Variants in LRRC7 observed in about 807,000 individuals in gnomAD.
LRRC7 encodes leucine-rich repeat-containing protein 7.
Under a neutral mutation model 175.7 loss-of-function variants are expected in LRRC7, and 23 were observed. The observed-to-expected ratio is 0.13, with a 90% CI of 0.09 to 0.19. The LOEUF is 0.19. Ranked by LOEUF, LRRC7 falls within the 10% of genes least tolerant of loss-of-function variation. The pLI is 1.00. For missense variants in LRRC7, 1,354 were observed against 1,904.7 expected (o/e 0.71, Z 5.38); for synonymous variants, 685 against 680.9 (o/e 1.01, Z -0.09).
chr1:70,106,814 C>T (rs1466820945), intron 25 of LRRC7, among the ~76,000 whole-genome samples: 1 of 152,184 alleles, frequency 6.6e-6, no homozygotes, highest in African/African-American at 2.4e-5. Context: ...TCCTTCTTCC[C>T]CTTACCTGTG....
At position 70,135,700 on chromosome 1, in the gene LRRC7, G is replaced by A. The variant is rs1039396586; in HGVS notation, c.*13813G>A. Among the ~76,000 whole-genome samples the A allele has an allele frequency of 1.3e-5, 2 of 152,192 alleles. No individual in the cohort carries two copies. The highest frequency in any genetic ancestry group is 4.8e-5 in the African/African-American group (2 of 41,442). The stretch of plus-strand genomic sequence containing the variant: ...GTAAAAGAGAAAGTTGTTAGATAGT[G>A]AACAAGTCCCATTCTCTAAAAGTGA... On this transcript the variant is annotated 3_prime_UTR_variant, in exon 27 of 27. Coordinates refer to ENST00000651989, the MANE Select transcript of LRRC7 (RefSeq NM_001370785.2).
intron 7 of LRRC7, among the ~76,000 whole-genome samples, chr1:69,918,975 T>TC (rs1646800537): frequency 6.6e-6 from 1 of 152,104 alleles, no homozygotes; most frequent in African/African-American, 2.4e-5. Flanking sequence ...AAATATGGTT[T>TC]CCCGGGCATG....
chr1:70,057,081 T>C (rs1661213884), intron 23 of LRRC7, among the ~76,000 whole-genome samples: 1 of 152,176 alleles, frequency 6.6e-6, no homozygotes, highest in South Asian at 2.1e-4. Flanking sequence ...ATGTACTAAA[T>C]GTACCATGTC....
At chr1:69,758,933 G>A (rs964836038) in intron 2 of LRRC7, among the ~76,000 whole-genome samples, 2 of 151,956 alleles carry the variant, frequency 1.3e-5, no homozygotes, top group Non-Finnish European at 2.9e-5. Flanking sequence ...TTAAATGCAA[G>A]TTTCAAATTC....
chr1:69,618,538 A>G (rs1046059530), intron 1 of LRRC7, among the ~76,000 whole-genome samples: 3 of 152,124 alleles, frequency 2.0e-5, no homozygotes, highest in Admixed American at 2.0e-4. Context: ...TAGTCAACTT[A>G]GACTCTCAGA....
At chr1:69,923,977 G>C (rs1272909894) in intron 7 of LRRC7, among the ~76,000 whole-genome samples, 3 of 151,870 alleles carry the variant, frequency 2.0e-5, no homozygotes, top group Non-Finnish European at 4.4e-5. Flanking sequence ...ATTAATTTTT[G>C]TATAAGGTGT....
At chr1:70,020,367 T>C (rs890719666) in intron 15 of LRRC7, among the ~76,000 whole-genome samples, 18 of 152,132 alleles carry the variant, frequency 1.2e-4, no homozygotes, top group African/African-American at 4.1e-4. Flanking sequence ...ATTTGACATA[T>C]TTAAACTAAC....
At chr1:69,914,626 T>C (rs1184898135) in intron 7 of LRRC7, among the ~76,000 whole-genome samples, 1 of 152,186 alleles carries the variant, frequency 6.6e-6, no homozygotes, top group East Asian at 1.9e-4. Context: ...TTTATAATAA[T>C]AAATATTCTC....
At position 70,136,755 on chromosome 1, in the gene LRRC7, G is replaced by A. The variant is rs1443265879; in HGVS notation, c.*14868G>A. On this transcript the variant is annotated 3_prime_UTR_variant, in exon 27 of 27. Transcript: ENST00000651989. ...TTTTTTTTTTTTTTTTCTGAGACAGGGTCTTGCTCTGTCACCCAGGTTGGA... is the reference window on the plus strand; with the variant it reads ...TTTTTTTTTTTTTTTTCTGAGACAGAGTCTTGCTCTGTCACCCAGGTTGGA... Among the ~76,000 whole-genome samples, 1 of 134,184 alleles carries A rather than the reference G, an allele frequency of 7.5e-6. No homozygotes were observed. Among genetic ancestry groups the A allele is most frequent in the South Asian group, 2.5e-4 (1 of 4,004 alleles). The allele number at this position is 134,184 out of a possible 152,430, so 88.0% of individuals were successfully genotyped here.
chr1:70,002,857 C>T (rs1016486337), intron 11 of LRRC7, among the ~76,000 whole-genome samples: 6 of 151,998 alleles, frequency 3.9e-5, no homozygotes, highest in Non-Finnish European at 5.9e-5. Context: ...CTGATCATTG[C>T]TTATGTTCAT....
chr1:70,009,128 G>A (rs952452352), intron 11 of LRRC7, among the ~76,000 whole-genome samples: 2 of 151,964 alleles, frequency 1.3e-5, no homozygotes, highest in Non-Finnish European at 2.9e-5. Context: ...AAAAAAGAGA[G>A]AAACCTTAAT....
At position 70,021,013 on chromosome 1, in the gene LRRC7, T is replaced by C; in HGVS notation, c.1429T>C (p.Ser477Pro). Reference sequence around the variant, plus strand: ...TTGGAATCTAACTGTAGATTTCCAGTCAGACAGTGACAGCTTTAACCCTAC... The same window carrying C: ...TTGGAATCTAACTGTAGATTTCCAGCCAGACAGTGACAGCTTTAACCCTAC... ...QQPRGDEDFQ[S>P]DSDSFNPTLW... is the part of the protein sequence containing the mutation. Residue 477 changes from serine (S) to proline (P), a missense_variant, in exon 16 of 27, where the codon TCA (serine) becomes CCA (proline). Physicochemically the swap from Ser to Pro is moderately conservative, Grantham distance 74 (BLOSUM62 -1). Transcript: ENST00000651989. 6.2e-7 allele frequency: 1 copy of C among 1,605,352 alleles called. No homozygotes were observed. The highest frequency in any genetic ancestry group is 1.1e-5 in the South Asian group (1 of 88,966).
chr1:69,912,679 T>TCAG, intron 7 of LRRC7, among the ~76,000 whole-genome samples: 1 of 152,178 alleles, frequency 6.6e-6, no homozygotes, highest in African/African-American at 2.4e-5. Context: ...CACAATAATT[T>TCAG]TCAGTCAGTG....
intron 2 of LRRC7, among the ~76,000 whole-genome samples, chr1:69,688,951 A>C (rs77042237): frequency 1.9e-3 from 284 of 152,290 alleles, no homozygotes; most frequent in African/African-American, 6.6e-3. Context: ...CTATCCCAAA[A>C]TATTTTATGG....
chr1:69,879,403 A>G (rs1022298058), intron 7 of LRRC7, among the ~76,000 whole-genome samples: 1 of 152,024 alleles, frequency 6.6e-6, no homozygotes, highest in African/African-American at 2.4e-5. Flanking sequence ...GGAGTCTCAG[A>G]AGACAGCAGC....
At chr1:70,056,413 A>G (rs1661156350) in intron 23 of LRRC7, among the ~76,000 whole-genome samples, 1 of 152,224 alleles carries the variant, frequency 6.6e-6, no homozygotes. Context: ...AAACATAAGA[A>G]GTAGTTGAGA....
intron 3 of LRRC7, among the ~76,000 whole-genome samples, chr1:69,781,675 GTC>G (rs1673512815): frequency 9.1e-6 from 1 of 110,122 alleles, no homozygotes; most frequent in Non-Finnish European, 1.8e-5. Context: ...GAGCAAGACT[GTC>G]TCAAAAAAAA....
chr1:69,611,607 C>T (rs972039453), intron 1 of LRRC7, among the ~76,000 whole-genome samples: 4 of 151,978 alleles, frequency 2.6e-5, no homozygotes, highest in African/African-American at 4.8e-5. Context: ...TAATTAATGT[C>T]GAACTCATGG....
intron 8 of LRRC7, among the ~76,000 whole-genome samples, chr1:69,934,268 G>A (rs1181143809): frequency 6.6e-6 from 1 of 152,030 alleles, no homozygotes; most frequent in East Asian, 1.9e-4. Flanking sequence ...GAGAGTAGAT[G>A]ACTATAATTT....
Sources: allele counts gnomAD v4.1 joint callset (sites outside exome capture counted in the v4.1 genomes callset), GRCh38; gene constraint gnomAD v4.1.1; transcripts MANE v1.5; gene names NCBI Gene and HGNC (gene_info 2026-07-23, HGNC 2026-07-21).